The following PTTG1IP2 variants were observed in gnomAD, a reference collection of about 807,000 sequenced individuals.
PTTG1IP2 encodes the protein PTTG1IP family member 2.
At chr7:90,470,915 C>T (rs1049403252) in intron 1 of PTTG1IP2, among the ~76,000 whole-genome samples, 1 of 145,708 alleles carries the variant, frequency 6.9e-6, no homozygotes, top group East Asian at 2.0e-4. Context: ...TGGACTCATA[C>T]CGGAAATTTT....
chr7:90,481,261 TA>T (rs895756365), intron 2 of PTTG1IP2, among the ~76,000 whole-genome samples: 34 of 152,178 alleles, frequency 2.2e-4, no homozygotes, highest in African/African-American at 8.2e-4. Flanking sequence ...GATGTTTTGA[TA>T]CAGGCATGCA....
chr7:90,493,118 A>G (rs899756707), intron 5 of PTTG1IP2, among the ~76,000 whole-genome samples: 2 of 152,176 alleles, frequency 1.3e-5, no homozygotes, highest in Non-Finnish European at 2.9e-5. Flanking sequence ...ATAGTCCTTT[A>G]TAATTACTAT....
At chr7:90,489,433 T>C (rs1797914217) in intron 4 of PTTG1IP2, among the ~76,000 whole-genome samples, 1 of 151,888 alleles carries the variant, frequency 6.6e-6, no homozygotes, top group African/African-American at 2.4e-5. Flanking sequence ...ATCTTAAGAT[T>C]ACTAATATTT....
intron 2 of PTTG1IP2, among the ~76,000 whole-genome samples, chr7:90,480,194 C>A (rs1037918961): frequency 1.3e-5 from 2 of 152,132 alleles, no homozygotes; most frequent in African/African-American, 4.8e-5. Flanking sequence ...CATCTCTGAA[C>A]CCTGCACAAT....
chr7:90,477,575 T>A (rs545812325), intron 1 of PTTG1IP2, among the ~76,000 whole-genome samples: 1 of 152,196 alleles, frequency 6.6e-6, no homozygotes, highest in Non-Finnish European at 1.5e-5. Flanking sequence ...CTGAGGATAG[T>A]AGTCCTCAAA....
intron 4 of PTTG1IP2, among the ~76,000 whole-genome samples, chr7:90,491,322 C>A (rs757076494): frequency 2.0e-5 from 3 of 152,118 alleles, no homozygotes; most frequent in Non-Finnish European, 2.9e-5. Flanking sequence ...AGGGATATAA[C>A]AATAAGCAAG....
At chr7:90,510,910 A>G (rs1248433145) in intron 6 of PTTG1IP2, among the ~76,000 whole-genome samples, 1 of 152,216 alleles carries the variant, frequency 6.6e-6, no homozygotes. Flanking sequence ...CTTGGAAAAT[A>G]CCACTGTAAT....
intron 6 of PTTG1IP2, among the ~76,000 whole-genome samples, chr7:90,512,430 G>C (rs1418566479): frequency 2.0e-5 from 3 of 152,278 alleles, no homozygotes; most frequent in East Asian, 3.9e-4. Context: ...ATAGAATAAG[G>C]AGTCAGCTAG....
chr7:90,499,486 C>T (rs1798036686), intron 6 of PTTG1IP2, among the ~76,000 whole-genome samples: 1 of 152,154 alleles, frequency 6.6e-6, no homozygotes, highest in African/African-American at 2.4e-5. Context: ...ATTCACTCTA[C>T]AGTTGGCCAT....
chr7:90,494,297 A>G (rs1297940912), intron 5 of PTTG1IP2, 70 bp from the exon 6 acceptor site: 1 of 152,196 alleles, frequency 6.6e-6, no homozygotes, highest in Non-Finnish European at 1.5e-5. Flanking sequence ...CATTTTAAAA[A>G]TTACGTAAGT....
In PTTG1IP2 at chr7:90,510,152, G is replaced by A. The variant is rs989930174; in HGVS notation, c.*51-3126G>A. Among the ~76,000 whole-genome samples the A allele has an allele frequency of 4.7e-4, 71 of 152,188 alleles. 1 individual carries two copies. The highest frequency in any genetic ancestry group is 8.8e-5 in the Non-Finnish European group (6 of 68,042). On this transcript the variant is annotated intron_variant, in intron 6 of 6. Transcript: ENST00000509356. ...AGCACTGGGATCTGTAGCAATATCT[G>A]CCCTGTGTGGAAGGGCGGGGACCAC... is the stretch of plus-strand genomic sequence containing the variant.
intron 1 of PTTG1IP2, among the ~76,000 whole-genome samples, chr7:90,478,827 A>AT: frequency 6.9e-6 from 1 of 144,066 alleles, no homozygotes; most frequent in East Asian, 2.0e-4. Flanking sequence ...ATAGGGAATT[A>AT]ATTTTTTTTT....
intron 5 of PTTG1IP2, 109 bp from the exon 6 acceptor site, chr7:90,494,255 CTTT>C (rs1797969543): frequency 6.6e-6 from 1 of 152,088 alleles, no homozygotes; most frequent in African/African-American, 2.4e-5. Flanking sequence ...TCTCAGAAAT[CTTT>C]TTATTATTCA....
At chr7:90,510,549 CTATG>C (rs1283332386) in intron 6 of PTTG1IP2, among the ~76,000 whole-genome samples, 1 of 152,004 alleles carries the variant, frequency 6.6e-6, no homozygotes, top group African/African-American at 2.4e-5. Flanking sequence ...TTGCCTGTGT[CTATG>C]TGTGTGTCTT....
At position 90,486,057 on chromosome 7, in the gene PTTG1IP2, T is replaced by G. The variant is rs556062510; in HGVS notation, c.193-1270T>G. Among the ~76,000 whole-genome samples the G allele has an allele frequency of 2.6e-3, 393 of 152,326 alleles. 4 individuals carry two copies. Among genetic ancestry groups the G allele is most frequent in the African/African-American group, 8.7e-3 (363 of 41,572 alleles). On this transcript the variant is annotated intron_variant, in intron 2 of 6. Coordinates refer to ENST00000509356, the MANE Select transcript of PTTG1IP2 (RefSeq NM_001365443.2). ...TGATTTGACCGTTAATCTTGTCCAG[T>G]GTGAAACAAAAGCTGGCCTGTGATA...
At chr7:90,503,739 T>C (rs1421540554) in intron 6 of PTTG1IP2, among the ~76,000 whole-genome samples, 3 of 152,150 alleles carry the variant, frequency 2.0e-5, no homozygotes, top group Admixed American at 6.5e-5. Context: ...GGCACCCCCA[T>C]AACAATTACA....
At chr7:90,512,531 A>G (rs1411761731) in intron 6 of PTTG1IP2, among the ~76,000 whole-genome samples, 2 of 152,196 alleles carry the variant, frequency 1.3e-5, no homozygotes, top group South Asian at 2.1e-4. Context: ...CTTTGTGGCT[A>G]TAGAAATATT....
chr7:90,506,280 A>G (rs561469517), intron 6 of PTTG1IP2, among the ~76,000 whole-genome samples: 2 of 152,194 alleles, frequency 1.3e-5, no homozygotes, highest in South Asian at 4.1e-4. Flanking sequence ...TTCCAACTAA[A>G]TCGGGAGCAT....
At chr7:90,504,346 A>T (rs1798100495) in intron 6 of PTTG1IP2, among the ~76,000 whole-genome samples, 1 of 151,960 alleles carries the variant, frequency 6.6e-6, no homozygotes, top group South Asian at 2.1e-4. Context: ...ATCTAATGGG[A>T]CAGAGTGGGA....
Sources: gnomAD v4.1 joint callset for allele counts (sites outside exome capture counted in the v4.1 genomes callset) on GRCh38, gnomAD v4.1.1 for gene constraint, MANE v1.5 for transcripts, NCBI Gene and HGNC (gene_info 2026-07-23, HGNC 2026-07-21) for gene names.